The following CYP7B1 variants were observed in gnomAD, a reference collection of about 807,000 sequenced individuals.
CYP7B1 encodes the protein cytochrome P450 7B1.
Under a neutral mutation model 42.7 loss-of-function variants are expected in CYP7B1, and 29 were observed. The ratio of observed to expected loss-of-function variants is 0.68; its 90% CI spans 0.51 to 0.93. The LOEUF (loss-of-function observed/expected upper bound fraction) is 0.93, where lower values mean the gene tolerates loss of function less well. Ranked by LOEUF, CYP7B1 falls within the 40% of genes least tolerant of loss-of-function variation. The probability of loss-of-function intolerance (pLI) is 0.00; values close to 1 mark genes in which losing one functional copy is unlikely to be tolerated. For missense variants in CYP7B1, 655 were observed against 600.5 expected (o/e 1.09, Z -0.95); for synonymous variants, 235 against 218.2 (o/e 1.08, Z -0.68).
chr8:64,672,543 G>T (rs540798209), intron 1 of CYP7B1, among the ~76,000 whole-genome samples: 1 of 152,152 alleles, frequency 6.6e-6, no homozygotes, highest in East Asian at 1.9e-4. Context: ...TCTTACCTAT[G>T]ATTCTTCCTA....
intron 1 of CYP7B1, among the ~76,000 whole-genome samples, chr8:64,642,483 C>T (rs189755652): frequency 3.6e-4 from 55 of 152,258 alleles, no homozygotes; most frequent in African/African-American, 1.3e-3. Flanking sequence ...CAAACCTTCA[C>T]AGATGATGAT....
At chr8:64,761,709 G>A (rs1032812198) in intron 1 of CYP7B1, among the ~76,000 whole-genome samples, 2 of 152,152 alleles carry the variant, frequency 1.3e-5, no homozygotes, top group Non-Finnish European at 2.9e-5. Flanking sequence ...GACCTACTTA[G>A]TGGCATGTGT....
chr8:64,742,965 T>C (rs568521238), intron 1 of CYP7B1, among the ~76,000 whole-genome samples: 19 of 152,196 alleles, frequency 1.2e-4, no homozygotes, highest in South Asian at 4.1e-4. Context: ...TTCCTTCTTC[T>C]ATGTTTATTT....
chr8:64,787,921 T>C (rs1804555290), intron 1 of CYP7B1, among the ~76,000 whole-genome samples: 1 of 152,104 alleles, frequency 6.6e-6, no homozygotes, highest in Admixed American at 6.5e-5. Context: ...GAGAGAGAAG[T>C]GCCAGCAGGA....
intron 1 of CYP7B1, among the ~76,000 whole-genome samples, chr8:64,713,976 A>G (rs1807118320): frequency 6.6e-6 from 1 of 152,212 alleles, no homozygotes; most frequent in Admixed American, 6.5e-5. Context: ...GTAGTAACTC[A>G]TATAATCCCA....
At chr8:64,736,847 T>A (rs1410865664) in intron 1 of CYP7B1, among the ~76,000 whole-genome samples, 2 of 152,170 alleles carry the variant, frequency 1.3e-5, no homozygotes, top group Non-Finnish European at 2.9e-5. Flanking sequence ...AAATCTAATC[T>A]AATTCTGTCT....
rs1463550481 is a variant in CYP7B1 at position 64,592,336 on chromosome 8, A to G, written c.*4306T>C. 1.3e-5 allele frequency among the ~76,000 whole-genome samples: 2 copies of G among 152,242 alleles called. No individual in the cohort carries two copies. On this transcript the variant is annotated 3_prime_UTR_variant, in exon 6 of 6. Coordinates refer to ENST00000310193, the MANE Select transcript of CYP7B1 (RefSeq NM_004820.5). ...GTATAATTATACATAGTGATTTCTC[A>G]TTACAGACCATTACTTTGGAATGAC...
chr8:64,686,290 C>T (rs1337519400), intron 1 of CYP7B1, among the ~76,000 whole-genome samples: 7 of 44,850 alleles, frequency 1.6e-4, no homozygotes, highest in African/African-American at 6.1e-4. Context: ...GGGGGTCGGC[C>T]CCCCACCCGG....
intron 1 of CYP7B1, among the ~76,000 whole-genome samples, chr8:64,796,271 T>C (rs1273553491): frequency 2.6e-5 from 4 of 152,180 alleles, no homozygotes; most frequent in Non-Finnish European, 5.9e-5. Context: ...TGAAAGAGTA[T>C]GAAAATTCCC....
intron 1 of CYP7B1, among the ~76,000 whole-genome samples, chr8:64,720,626 G>C (rs1807221875): frequency 1.3e-5 from 2 of 152,158 alleles, no homozygotes; most frequent in South Asian, 4.1e-4. Flanking sequence ...CTTTAAGGTT[G>C]GCTATATGTT....
chr8:64,710,926 T>C (rs898250094), intron 1 of CYP7B1, among the ~76,000 whole-genome samples: 1 of 152,102 alleles, frequency 6.6e-6, no homozygotes. Flanking sequence ...TACTTTGTAG[T>C]AGTTTAAAAT....
intron 1 of CYP7B1, among the ~76,000 whole-genome samples, chr8:64,724,976 C>T (rs545960134): frequency 3.3e-5 from 5 of 152,194 alleles, no homozygotes; most frequent in Non-Finnish European, 7.3e-5. Flanking sequence ...TCCGATAGTA[C>T]GTCATAAGAC....
chr8:64,615,188 G>C lies in CYP7B1; in HGVS notation c.895C>G (p.Pro299Ala). The change falls in exon 4 of 6, where the codon CCA becomes GCA. Residue 299 changes from proline to alanine, a missense_variant. By Grantham distance (27) the Pro-to-Ala change is conservative. Coordinates refer to ENST00000310193, the MANE Select transcript of CYP7B1 (RefSeq NM_004820.5). ...FLWASVANTI[P>A]TMFWAMYYLL... ...TAATACATTGCCCAGAACATAGTTG[G>C]AATAGTGTTTGCCACAGAGGCCCAG... 6.2e-7 allele frequency: 1 copy of C among 1,613,484 alleles called. No individual in the cohort carries two copies. The highest frequency in any genetic ancestry group is 8.5e-7 in the Non-Finnish European group (1 of 1,179,678).
intron 1 of CYP7B1, among the ~76,000 whole-genome samples, chr8:64,744,234 G>T (rs775550014): frequency 1.3e-5 from 2 of 152,082 alleles, no homozygotes; most frequent in Non-Finnish European, 2.9e-5. Flanking sequence ...TATTTAAGAA[G>T]TTTGAAATGA....
intron 1 of CYP7B1, among the ~76,000 whole-genome samples, chr8:64,675,915 T>C (rs1188264148): frequency 6.6e-6 from 1 of 152,104 alleles, no homozygotes; most frequent in East Asian, 1.9e-4. Context: ...CCTAGGACCA[T>C]ACACCCCCAG....
chr8:64,785,335 A>T (rs1804504920), intron 1 of CYP7B1, among the ~76,000 whole-genome samples: 1 of 152,220 alleles, frequency 6.6e-6, no homozygotes. Context: ...TTACCATGTG[A>T]TCCAGCAATG....
intron 1 of CYP7B1, among the ~76,000 whole-genome samples, chr8:64,745,652 G>C (rs997699191): frequency 1.3e-5 from 2 of 152,052 alleles, no homozygotes; most frequent in Non-Finnish European, 2.9e-5. Context: ...CCCCCAGTAG[G>C]GTGCAGAGAG....
chr8:64,792,278 T>G (rs184783919), intron 1 of CYP7B1, among the ~76,000 whole-genome samples: 337 of 152,212 alleles, frequency 2.2e-3, no homozygotes, highest in Middle Eastern at 6.8e-3. Context: ...AAGAGAGAGA[T>G]TAAGAGAAGA....
At position 64,604,690 on chromosome 8, in the gene CYP7B1, C is replaced by T. The variant is rs1314509691; in HGVS notation, c.1225G>A (p.Ala409Thr). 6.2e-7 allele frequency: 1 copy of T among 1,613,952 alleles called. No individual in the cohort carries two copies. The highest frequency in any genetic ancestry group is 1.3e-5 in the African/African-American group (1 of 74,886). Residue 409 changes from alanine to threonine, a missense_variant, in exon 5 of 6, where the codon GCT becomes ACT. By Grantham distance (58) the Ala-to-Thr change is moderately conservative (BLOSUM62 0). Coordinates refer to ENST00000310193, the MANE Select transcript of CYP7B1 (RefSeq NM_004820.5). ...VLHGDPEIFE[A>T]PEEFRYDRFI... ...GCTTGATGTTTACTTACCTCTGGAG[C>T]TTCAAAGATTTCAGGGTCACCATGT...
Sources: allele counts gnomAD v4.1 joint callset (sites outside exome capture counted in the v4.1 genomes callset), GRCh38; gene constraint gnomAD v4.1.1; transcripts MANE v1.5; gene names NCBI Gene and HGNC (gene_info 2026-07-23, HGNC 2026-07-21).